The following CCNYL1 variants were observed in gnomAD, a reference collection of about 807,000 sequenced individuals.
The protein encoded by CCNYL1 is cyclin-Y-like protein 1.
A neutral mutation model predicts 44.2 loss-of-function variants in CCNYL1; 16 were observed. The ratio of observed to expected loss-of-function variants is 0.36; its 90% CI spans 0.25 to 0.55. CCNYL1 has a LOEUF of 0.55. CCNYL1 is among the 20% of genes least tolerant of loss of function. The probability of loss-of-function intolerance (pLI) is 0.85; values close to 1 mark genes in which losing one functional copy is unlikely to be tolerated. For missense variants in CCNYL1, 348 were observed against 451.8 expected (o/e 0.77, Z 2.08); for synonymous variants, 159 against 163.2 (o/e 0.97, Z 0.20).
At chr2:207,712,148 G>T (rs774841379) in intron 1 of CCNYL1, 32 bp downstream of exon 1, 2 of 1,571,076 alleles carry the variant, frequency 1.3e-6, no homozygotes, top group Non-Finnish European at 8.7e-7. Flanking sequence ...TCCGCCCTCG[G>T]GCTCACCTCT....
At chr2:207,718,767 G>T (rs1284260464) in intron 1 of CCNYL1, among the ~76,000 whole-genome samples, 1 of 152,138 alleles carries the variant, frequency 6.6e-6, no homozygotes, top group Non-Finnish European at 1.5e-5. Flanking sequence ...GAGGAATTTG[G>T]CATAATCTCA....
chr2:207,733,407 C>T (rs1336728531), intron 3 of CCNYL1, among the ~76,000 whole-genome samples: 1 of 152,162 alleles, frequency 6.6e-6, no homozygotes, highest in Non-Finnish European at 1.5e-5. Flanking sequence ...AAAACAGGCC[C>T]TTTCACTGAG....
At chr2:207,732,021 G>C (rs2105828568) in intron 3 of CCNYL1, among the ~76,000 whole-genome samples, 1 of 152,150 alleles carries the variant, frequency 6.6e-6, no homozygotes, top group South Asian at 2.1e-4. Context: ...TGTTGGCCTG[G>C]CTGGTCTCGA....
intron 3 of CCNYL1, among the ~76,000 whole-genome samples, chr2:207,731,913 G>C (rs1404289233): frequency 6.7e-6 from 1 of 149,724 alleles, no homozygotes; most frequent in Admixed American, 6.7e-5. Flanking sequence ...AGGTTCAAGT[G>C]ATTCTCTTGC....
rs1358070895 is a variant in CCNYL1, at chr2:207,737,436, A to G, written c.457A>G (p.Ile153Val). ...KCVTLAIYYH[I>V]KNRDANRSLD... ...TGTGACCTTAGCAATATATTACCACATAAAGAACAGGTGAGCTCCTTTAAA... is the reference window on the plus strand; with the variant it reads ...TGTGACCTTAGCAATATATTACCACGTAAAGAACAGGTGAGCTCCTTTAAA... Residue 153 changes from isoleucine to valine, a missense_variant, in exon 5 of 10, where the codon ATA (isoleucine) becomes GTA (valine). By Grantham distance (29) the Ile-to-Val change is conservative (BLOSUM62 3). This residue lies in a region of CCNYL1 where 209 missense variants were observed against 247.7 expected (regional missense o/e 0.84). Transcript: ENST00000295414. 9.9e-6 allele frequency: 16 copies of G among 1,610,720 alleles called. No homozygotes were observed. The highest frequency in any genetic ancestry group is 1.4e-5 in the Non-Finnish European group (16 of 1,178,018).
rs1363469966 is a variant in CCNYL1 at position 207,714,253 on chromosome 2, G to A, written c.220+2137G>A. 1.3e-5 allele frequency: 5 copies of A among 395,184 alleles called. No homozygotes were observed. The East Asian group carries it at 3.8e-4, about 30-fold the overall frequency. The allele number at this position is 395,184 out of a possible 1,614,324, so 24.5% of individuals were successfully genotyped here. A position where few individuals can be genotyped will look rare whatever the true frequency, so the allele number is the denominator to read the frequency against. On this transcript the variant is annotated intron_variant, in intron 1 of 9. Transcript: ENST00000295414. ...GTCCTGTTTTTGAGAACTTACTTCG[G>A]TCTTGATTAGTTCCTTTCAAAGTTT... is the stretch of plus-strand genomic sequence containing the variant.
At chr2:207,741,111 C>T (rs1017178301) in intron 6 of CCNYL1, among the ~76,000 whole-genome samples, 6 of 152,024 alleles carry the variant, frequency 3.9e-5, no homozygotes, top group Non-Finnish European at 5.9e-5. Flanking sequence ...AAAAATTAGC[C>T]GGGCACGGTG....
intron 3 of CCNYL1, among the ~76,000 whole-genome samples, chr2:207,727,334 ATTG>A (rs777244731): frequency 6.5e-4 from 98 of 151,916 alleles, no homozygotes; most frequent in Admixed American, 2.6e-3. Flanking sequence ...TGATGTTTAC[ATTG>A]TTATGATTAT....
In CCNYL1 at chr2:207,751,106, C is replaced by T; in HGVS notation, c.956C>T (p.Ala319Val). 1 of 1,613,904 alleles carries T rather than the reference C, an allele frequency of 6.2e-7. No homozygotes were observed. Among genetic ancestry groups the T allele is most frequent in the South Asian group, 1.1e-5 (1 of 91,008 alleles). The change falls in exon 9 of 10, where the codon GCA becomes GTA. Residue 319 changes from alanine to valine, a missense_variant. Physicochemically the swap from Ala to Val is moderately conservative, Grantham distance 64 (BLOSUM62 0). Transcript: ENST00000295414. ...TTTGCTCCTCTTAGCAAAGAAAGAGCACAGAACCTAGAGGTAAGGCTATGA... is the reference window on the plus strand; with the variant it reads ...TTTGCTCCTCTTAGCAAAGAAAGAGTACAGAACCTAGAGGTAAGGCTATGA... ...FLFAPLSKERAQNLEAISRLC... is the reference protein window; with the variant it reads ...FLFAPLSKERVQNLEAISRLC...
chr2:207,728,320 A>AGCTG (rs1465254885), intron 3 of CCNYL1, among the ~76,000 whole-genome samples: 1 of 147,862 alleles, frequency 6.8e-6, no homozygotes, highest in Non-Finnish European at 1.5e-5. Flanking sequence ...CTGTTGCCCA[A>AGCTG]GCTGGAGGGC....
At position 207,742,314 on chromosome 2, in the gene CCNYL1, T is replaced by C; in HGVS notation, c.611T>C (p.Leu204Pro). 1.2e-6 allele frequency: 2 copies of C among 1,612,188 alleles called. No homozygotes were observed. Among genetic ancestry groups the C allele is most frequent in the Non-Finnish European group, 8.5e-7 (1 of 1,179,438 alleles). ...FVRTLFSAAQ[L>P]TAECAIVTLV... is the part of the protein sequence containing the mutation. ...CGTACTCTTTTTAGTGCTGCACAGCTAACAGCTGAATGTGCAATAGTAACT... is the reference window on the plus strand; with the variant it reads ...CGTACTCTTTTTAGTGCTGCACAGCCAACAGCTGAATGTGCAATAGTAACT... The change falls in exon 7 of 10, where the codon CTA (leucine) becomes CCA (proline). Residue 204 changes from leucine (L) to proline (P), a missense_variant. Physicochemically the swap from Leu to Pro is moderately conservative, Grantham distance 98 (BLOSUM62 -3). Around this residue, in one of 3 missense-constraint regions of CCNYL1, gnomAD observed 45 missense variants for 101.7 expected, o/e 0.44. Transcript: ENST00000295414.
intron 1 of CCNYL1, among the ~76,000 whole-genome samples, chr2:207,717,624 C>A (rs754507319): frequency 6.6e-6 from 1 of 152,164 alleles, no homozygotes; most frequent in Non-Finnish European, 1.5e-5. Flanking sequence ...GCTCTCCTTA[C>A]GTGACCTGTG....
At chr2:207,746,938 G>A (rs2091858863) in intron 7 of CCNYL1, 109 bp from the exon 8 acceptor site, 2 of 842,180 alleles carry the variant, frequency 2.4e-6, no homozygotes, top group Admixed American at 2.4e-5. Flanking sequence ...TCGCACCATT[G>A]CACTACAGCC....
rs1358564806 is a variant in CCNYL1, at chr2:207,751,130, G to T, written c.969+11G>T. 6.2e-7 allele frequency: 1 copy of T among 1,610,052 alleles called. No individual in the cohort carries two copies. The highest frequency in any genetic ancestry group is 1.3e-5 in the African/African-American group (1 of 74,844). ...GCACAGAACCTAGAGGTAAGGCTATGAAGTCACTAAGTGAGGTTTTCCATC... is the reference window on the plus strand; with the variant it reads ...GCACAGAACCTAGAGGTAAGGCTATTAAGTCACTAAGTGAGGTTTTCCATC... On this transcript the variant is annotated intron_variant, in intron 9 of 9. Transcript: ENST00000295414.
At chr2:207,744,449 C>T (rs1671230614) in intron 7 of CCNYL1, among the ~76,000 whole-genome samples, 1 of 152,172 alleles carries the variant, frequency 6.6e-6, no homozygotes, top group Admixed American at 6.5e-5. Context: ...TCACTGCAAC[C>T]TCCACCTCCC....
rs543667441 is a variant in CCNYL1, at chr2:207,746,183, A to G, written c.640-864A>G. Reference sequence around the variant, plus strand: ...TGTGTTCCTTGTGGAGGCACTGAATACGGGGAATATTTTACAGCCTAAAGA... The same window carrying G: ...TGTGTTCCTTGTGGAGGCACTGAATGCGGGGAATATTTTACAGCCTAAAGA... On this transcript the variant is annotated intron_variant, in intron 7 of 9. Transcript: ENST00000295414. Among the ~76,000 whole-genome samples, 4 of 152,310 alleles carry G rather than the reference A, an allele frequency of 2.6e-5. No homozygotes were observed. The East Asian group carries it at 7.7e-4, about 29-fold the overall frequency.
At position 207,724,496 on chromosome 2, in the gene CCNYL1, A is replaced by C. The variant is rs150601613; in HGVS notation, c.221-304A>C. Among the ~76,000 whole-genome samples the C allele has an allele frequency of 7.2e-5, 11 of 152,290 alleles. No individual in the cohort carries two copies. In the East Asian group the frequency reaches 2.1e-3, roughly 29 times the overall value. On this transcript the variant is annotated intron_variant, in intron 1 of 9. Transcript: ENST00000295414. ...GAGAGGAGAGTGTGGTTATATTTCT[A>C]TTTGATAAGTTGAAGGAGGAGGACA...
chr2:207,740,932 C>CT (rs752736939), intron 6 of CCNYL1, among the ~76,000 whole-genome samples: 1 of 152,150 alleles, frequency 6.6e-6, no homozygotes, highest in African/African-American at 2.4e-5. Flanking sequence ...ACAGTGAAGC[C>CT]TTTGAGCCTT....
chr2:207,733,834 G>C, intron 3 of CCNYL1, 113 bp from the exon 4 acceptor site: 1 of 671,290 alleles, frequency 1.5e-6, no homozygotes, highest in Non-Finnish European at 2.7e-6. Flanking sequence ...GCAGTTCATG[G>C]AGTGTAAGAA....
Sources: allele counts gnomAD v4.1 joint callset (sites outside exome capture counted in the v4.1 genomes callset), GRCh38; gene constraint gnomAD v4.1.1; regional missense constraint gnomAD v4.1.1; transcripts MANE v1.5; gene names NCBI Gene and HGNC (gene_info 2026-07-23, HGNC 2026-07-21).